Variants in CNIH3 observed in about 807,000 individuals in gnomAD.
CNIH3 encodes the protein cornichon family AMPA receptor auxiliary protein 3.
Under a neutral mutation model 24.1 loss-of-function variants are expected in CNIH3, and 14 were observed. That is an observed-to-expected ratio of 0.58 (90% CI 0.38 to 0.91). The LOEUF is 0.91. Among genes scored for constraint, CNIH3 ranks in the 40% least tolerant of loss-of-function variants. The pLI, the probability that CNIH3 is intolerant of heterozygous loss-of-function variation, is 0.00. For synonymous variants in CNIH3, 68 were observed against 73.8 expected, an observed-to-expected ratio of 0.92 and a Z score of 0.40; for missense variants, 178 against 196.8, an observed-to-expected ratio of 0.90 and a Z score of 0.57.
intron 3 of CNIH3, among the ~76,000 whole-genome samples, chr1:224,547,738 C>T (rs1377424927): frequency 6.6e-6 from 1 of 151,756 alleles, no homozygotes; most frequent in African/African-American, 2.4e-5. Context: ...TTTAATATCA[C>T]ATGGGTGTAT....
In CNIH3 at chr1:224,616,477, A is replaced by G. The variant is rs1682993219; in HGVS notation, c.-698A>G. The stretch of plus-strand genomic sequence containing the variant: ...CGGTCCGACCCCCGGTTTCCGGGAC[A>G]CTTGGGTTGCGGAGGCCGGCTGGCC... On this transcript the variant is annotated 5_prime_UTR_variant, in exon 1 of 6. Coordinates refer to ENST00000272133, the MANE Select transcript of CNIH3 (RefSeq NM_152495.2). 1 of 987,908 alleles carries G rather than the reference A, an allele frequency of 1.0e-6. No homozygotes were observed. Among genetic ancestry groups the G allele is most frequent in the African/African-American group, 1.7e-5 (1 of 57,388 alleles). The allele number at this position is 987,908 out of a possible 1,614,324, so 61.2% of individuals were successfully genotyped here. A position where few individuals can be genotyped will look rare whatever the true frequency, so the allele number is the denominator to read the frequency against.
chr1:224,667,478 C>T (rs1215716762), intron 1 of CNIH3, among the ~76,000 whole-genome samples: 1 of 152,112 alleles, frequency 6.6e-6, no homozygotes, highest in Non-Finnish European at 1.5e-5. Flanking sequence ...AAAAAGGCAG[C>T]GATCTCTTGT....
chr1:224,524,622 G>A (rs1678772737), intron 2 of CNIH3, among the ~76,000 whole-genome samples: 1 of 152,162 alleles, frequency 6.6e-6, no homozygotes, highest in African/African-American at 2.4e-5. Flanking sequence ...TAGTATAGTT[G>A]CATTGTGTTA....
At position 224,467,246 on chromosome 1, in the gene CNIH3, G is replaced by A. The variant is rs546582824; in HGVS notation, n.203+32384G>A. On this transcript the variant is annotated intron_variant and non_coding_transcript_variant, in intron 1 of 5. Transcript: ENST00000471578. Reference sequence around the variant, plus strand: ...TTGAACTGCTGGAAATGTTGCTGAGGCTGATCTTGAACTGCTAGACTCAAG... The same window carrying A: ...TTGAACTGCTGGAAATGTTGCTGAGACTGATCTTGAACTGCTAGACTCAAG... Among the ~76,000 whole-genome samples, 3 of 152,238 alleles carry A rather than the reference G, an allele frequency of 2.0e-5. No homozygotes were observed. The South Asian group carries it at 6.2e-4, about 32-fold the overall frequency.
Position 224,553,080 on chromosome 1 carries a change from G to C in CNIH3, n.450+6141G>C, listed in dbSNP as rs374251939. Among the ~76,000 whole-genome samples, 11 of 148,540 alleles carry C rather than the reference G, an allele frequency of 7.4e-5. 1 individual carries two copies. In the East Asian group the frequency reaches 1.4e-3, roughly 19 times the overall value. ...TATACACAGGGTGTACACCCACTGT[G>C]ATATTAGGAGTAATATATCTCTTTT... On this transcript the variant is annotated intron_variant and non_coding_transcript_variant, in intron 3 of 5. Transcript: ENST00000471578.
chr1:224,669,628 C>T (rs1322047851), intron 1 of CNIH3, among the ~76,000 whole-genome samples: 1 of 152,060 alleles, frequency 6.6e-6, no homozygotes, highest in Non-Finnish European at 1.5e-5. Context: ...GGAGGAGAGC[C>T]GTGAGACCAG....
At chr1:224,598,598 T>A (rs1313048887) in intron 3 of CNIH3, among the ~76,000 whole-genome samples, 2 of 152,138 alleles carry the variant, frequency 1.3e-5, no homozygotes, top group African/African-American at 4.8e-5. Flanking sequence ...CAAACTTCAT[T>A]GTTGTCTTAT....
chr1:224,650,339 G>A (rs1234745412), intron 1 of CNIH3, among the ~76,000 whole-genome samples: 3 of 152,168 alleles, frequency 2.0e-5, no homozygotes, highest in Non-Finnish European at 2.9e-5. Flanking sequence ...CTCTGGACTC[G>A]ATCAAGCAGG....
Position 224,693,674 on chromosome 1 carries a change from G to C in CNIH3, c.198+8831G>C, listed in dbSNP as rs867447695. 2.0e-5 allele frequency among the ~76,000 whole-genome samples: 3 copies of C among 152,226 alleles called. No individual in the cohort carries two copies. The South Asian group carries it at 6.2e-4, about 32-fold the overall frequency. ...TTTCAAGCTTTGGTCAGCATGGGGG[G>C]ACTACAAAGTTAGGGGCAAAGGGTG... On this transcript the variant is annotated intron_variant, in intron 3 of 5. Transcript: ENST00000272133.
intron 1 of CNIH3, among the ~76,000 whole-genome samples, chr1:224,485,597 A>G (rs1676997318): frequency 6.6e-6 from 1 of 152,012 alleles, no homozygotes; most frequent in Non-Finnish European, 1.5e-5. Flanking sequence ...GGCCCAAGCA[A>G]TCCTGTTGCC....
At chr1:224,439,859 G>T (rs1012962384) in intron 1 of CNIH3, among the ~76,000 whole-genome samples, 2 of 152,190 alleles carry the variant, frequency 1.3e-5, no homozygotes, top group Admixed American at 6.5e-5. Flanking sequence ...CGCAATCTCG[G>T]CTCACTGCAA....
At chr1:224,435,811 T>A (rs1182804801) in intron 1 of CNIH3, 1 of 152,224 alleles carries the variant, frequency 6.6e-6, no homozygotes. Flanking sequence ...ATTATTTTCA[T>A]GTATGTGGTT....
chr1:224,575,504 A>G (rs1338555047), intron 4 of CNIH3: 1 of 527,910 alleles, frequency 1.9e-6, no homozygotes, highest in Non-Finnish European at 3.5e-6. Flanking sequence ...AGAGCAACCT[A>G]TAGAGTGGCC....
At chr1:224,687,045 C>T (rs1013898589) in intron 3 of CNIH3, among the ~76,000 whole-genome samples, 6 of 152,092 alleles carry the variant, frequency 3.9e-5, no homozygotes, top group South Asian at 2.1e-4. Flanking sequence ...TACTCATCGT[C>T]GTGGAAAATA....
chr1:224,738,892 C>T (rs1167367900), intron 5 of CNIH3, among the ~76,000 whole-genome samples: 1 of 152,094 alleles, frequency 6.6e-6, no homozygotes, highest in African/African-American at 2.4e-5. Context: ...GATGATCTTT[C>T]CCCCAGCACT....
At chr1:224,550,098 TTA>T (rs1405227881) in intron 3 of CNIH3, among the ~76,000 whole-genome samples, 1 of 152,098 alleles carries the variant, frequency 6.6e-6, no homozygotes, top group Non-Finnish European at 1.5e-5. Context: ...ACTGTAGATA[TTA>T]TAGAAATATC....
At chr1:224,459,757 A>G (rs1451504868) in intron 1 of CNIH3, among the ~76,000 whole-genome samples, 1 of 152,086 alleles carries the variant, frequency 6.6e-6, no homozygotes, top group Middle Eastern at 3.2e-3. Context: ...TGTAAAATGC[A>G]CATTTGAGCT....
intron 3 of CNIH3, among the ~76,000 whole-genome samples, chr1:224,562,504 T>G (rs1430725086): frequency 6.6e-6 from 1 of 152,102 alleles, no homozygotes; most frequent in African/African-American, 2.4e-5. Flanking sequence ...GACAGATTAT[T>G]TTATAATATT....
intron 3 of CNIH3, among the ~76,000 whole-genome samples, chr1:224,611,020 C>T (rs1259888321): frequency 1.3e-5 from 2 of 152,178 alleles, no homozygotes; most frequent in Non-Finnish European, 2.9e-5. Flanking sequence ...GCTGCTCAAA[C>T]CCCCCTTCCT....
Sources: gnomAD v4.1 joint callset for allele counts (sites outside exome capture counted in the v4.1 genomes callset) on GRCh38, gnomAD v4.1.1 for gene constraint, MANE v1.5 for transcripts, NCBI Gene and HGNC (gene_info 2026-07-23, HGNC 2026-07-21) for gene names.